The following ETV6 variants were observed in gnomAD, a reference collection of about 807,000 sequenced individuals.
The protein encoded by ETV6 is ETS variant transcription factor 6.
Under a neutral mutation model 51.1 loss-of-function variants are expected in ETV6, and 16 were observed. The observed-to-expected ratio is 0.31, with a 90% CI of 0.21 to 0.48. The LOEUF (loss-of-function observed/expected upper bound fraction) is 0.48. ETV6 is among the 20% of genes least tolerant of loss of function. The probability of loss-of-function intolerance (pLI) is 0.99; values close to 1 mark genes in which losing one functional copy is unlikely to be tolerated. For missense variants in ETV6, 458 were observed against 594.8 expected, an observed-to-expected ratio of 0.77 and a Z score of 2.39; for synonymous variants, 240 against 224.1, an observed-to-expected ratio of 1.07 and a Z score of -0.64.
chr12:11,894,381 T>G lies in ETV6; in HGVS notation c.*3335T>G, dbSNP rs543309925. 8.6e-6 allele frequency: 2 copies of G among 232,840 alleles called. No homozygotes were observed. The highest frequency in any genetic ancestry group is 4.4e-5 in the African/African-American group (2 of 45,400). 14.4% of individuals were successfully genotyped at this position (232,840 alleles called of 1,614,324 possible). A position where few individuals can be genotyped will look rare whatever the true frequency, so the allele number is the denominator to read the frequency against. On this transcript the variant is annotated 3_prime_UTR_variant, in exon 8 of 8. Coordinates refer to ENST00000396373, the MANE Select transcript of ETV6 (RefSeq NM_001987.5). The stretch of plus-strand genomic sequence containing the variant: ...TCTATCAGAAGAAAGCACTGGTAAT[T>G]GGCTAGACTGGCTATGTTGAAGGTA...
intron 4 of ETV6, among the ~76,000 whole-genome samples, chr12:11,858,099 G>A (rs1016076973): frequency 1.3e-5 from 2 of 152,110 alleles, no homozygotes; most frequent in East Asian, 1.9e-4. Flanking sequence ...CAAGAGTAGC[G>A]TCATTCACTT....
intron 1 of ETV6, among the ~76,000 whole-genome samples, chr12:11,746,957 A>G (rs1865920831): frequency 6.6e-6 from 1 of 152,156 alleles, no homozygotes; most frequent in African/African-American, 2.4e-5. Context: ...GAAAGGGACA[A>G]TTTCAGTTCT....
intron 4 of ETV6, among the ~76,000 whole-genome samples, chr12:11,861,762 C>T (rs1419970773): frequency 6.6e-6 from 1 of 152,166 alleles, no homozygotes; most frequent in Non-Finnish European, 1.5e-5. Context: ...GTTAAGGGGT[C>T]ATCTTGCTCT....
At chr12:11,872,409 C>T (rs746612162) in intron 5 of ETV6, among the ~76,000 whole-genome samples, 2 of 152,102 alleles carry the variant, frequency 1.3e-5, no homozygotes, top group Non-Finnish European at 2.9e-5. Flanking sequence ...TCAAGAAAGA[C>T]ACATGGTTTA....
chr12:11,698,222 C>G (rs915750818), intron 1 of ETV6, among the ~76,000 whole-genome samples: 1 of 152,172 alleles, frequency 6.6e-6, no homozygotes. Flanking sequence ...GTATTTTGTA[C>G]CATGTGGGTC....
intron 1 of ETV6, among the ~76,000 whole-genome samples, chr12:11,684,071 C>T (rs1381227723): frequency 6.6e-6 from 1 of 152,176 alleles, no homozygotes; most frequent in African/African-American, 2.4e-5. Context: ...CTGACTTCGA[C>T]AACTGAGAAA....
Position 11,893,794 on chromosome 12 carries a change from TTATATATATATATATATATATA to T in ETV6, c.*2775_*2796del, listed in dbSNP as rs57308697. 3.7e-3 allele frequency: 292 copies of T among 79,490 alleles called. 7 individuals carry two copies. Among genetic ancestry groups the T allele is most frequent in the African/African-American group, 0.015 (263 of 17,182 alleles). The allele number at this position is 79,490 out of a possible 1,614,324, so 4.9% of individuals were successfully genotyped here. A position where few individuals can be genotyped will look rare whatever the true frequency, so the allele number is the denominator to read the frequency against. On this transcript the variant is annotated 3_prime_UTR_variant, in exon 8 of 8. Transcript: ENST00000396373. ...GTGTCCATCCCCAAGATCTCTCATT[TTATATATATATATATATATATA>T]TATATATATATATATATATATATAT...
intron 1 of ETV6, among the ~76,000 whole-genome samples, chr12:11,665,796 C>T (rs566820202): frequency 3.4e-4 from 52 of 152,308 alleles, no homozygotes; most frequent in African/African-American, 1.2e-3. Flanking sequence ...ACCTCCCATA[C>T]CTAAGGGGCT....
chr12:11,820,133 G>A (rs906211449), intron 2 of ETV6, among the ~76,000 whole-genome samples: 1 of 152,198 alleles, frequency 6.6e-6, no homozygotes, highest in African/African-American at 2.4e-5. Context: ...TTACAGTGGA[G>A]GAAATCGAGG....
chr12:11,731,414 T>C (rs748524197), intron 1 of ETV6, among the ~76,000 whole-genome samples: 29 of 152,244 alleles, frequency 1.9e-4, no homozygotes, highest in Non-Finnish European at 3.8e-4. Context: ...AGGATGCTTA[T>C]GGAGAAAAGT....
At chr12:11,776,112 G>A (rs1211941741) in intron 2 of ETV6, among the ~76,000 whole-genome samples, 1 of 152,190 alleles carries the variant, frequency 6.6e-6, no homozygotes, top group Non-Finnish European at 1.5e-5. Context: ...GGAGCTCACG[G>A]TTATGTGGAA....
intron 2 of ETV6, among the ~76,000 whole-genome samples, chr12:11,781,807 C>G (rs1426823239): frequency 6.6e-6 from 1 of 152,126 alleles, no homozygotes; most frequent in Non-Finnish European, 1.5e-5. Context: ...CTCTTTCCTA[C>G]TTTATGGCTT....
intron 1 of ETV6, among the ~76,000 whole-genome samples, chr12:11,734,708 A>C (rs1428171476): frequency 6.6e-6 from 1 of 152,164 alleles, no homozygotes; most frequent in Non-Finnish European, 1.5e-5. Flanking sequence ...AATCTTATGC[A>C]GTAGGGCCGG....
chr12:11,728,698 A>G (rs1865537650), intron 1 of ETV6, among the ~76,000 whole-genome samples: 1 of 152,228 alleles, frequency 6.6e-6, no homozygotes, highest in African/African-American at 2.4e-5. Context: ...ACTTGAGGAA[A>G]TCTACCTAGA....
intron 5 of ETV6, among the ~76,000 whole-genome samples, chr12:11,873,856 G>T (rs1459855549): frequency 8.9e-6 from 1 of 111,792 alleles, no homozygotes; most frequent in Non-Finnish European, 1.8e-5. Flanking sequence ...AAGTACCACA[G>T]GAGGTCAGAG....
chr12:11,727,750 C>T (rs1016445940), intron 1 of ETV6, among the ~76,000 whole-genome samples: 5 of 152,232 alleles, frequency 3.3e-5, no homozygotes, highest in African/African-American at 1.2e-4. Flanking sequence ...GGTGTGAGCC[C>T]CTCTGGTGGC....
rs1947343371 is a variant in ETV6 at position 11,893,829 on chromosome 12, TATATATATATATACACACAC to T, written c.*2785_*2804del. The stretch of plus-strand genomic sequence containing the variant: ...ATATATATATATATATATATATATA[TATATATATATATACACACAC>T]ACACACATACACAAATATTCCAGGA... On this transcript the variant is annotated 3_prime_UTR_variant, in exon 8 of 8. Transcript: ENST00000396373. The T allele has an allele frequency of 2.7e-5, 2 of 74,378 alleles. No individual in the cohort carries two copies. The highest frequency in any genetic ancestry group is 1.4e-4 in the African/African-American group (2 of 14,128). The allele number at this position is 74,378 out of a possible 1,614,324, so 4.6% of individuals were successfully genotyped here.
intron 2 of ETV6, among the ~76,000 whole-genome samples, chr12:11,772,932 T>C (rs2723826): frequency 2.9e-4 from 44 of 152,278 alleles, no homozygotes; most frequent in Non-Finnish European, 5.9e-4. Context: ...CAGTGGCTCA[T>C]GCCTGTAATC....
intron 5 of ETV6, among the ~76,000 whole-genome samples, chr12:11,877,852 C>T (rs964015907): frequency 2.0e-5 from 3 of 152,148 alleles, no homozygotes; most frequent in African/African-American, 7.2e-5. Flanking sequence ...GTTAATGAGA[C>T]AACATGTGAA....
Sources: gnomAD v4.1 joint callset for allele counts (sites outside exome capture counted in the v4.1 genomes callset) on GRCh38, gnomAD v4.1.1 for gene constraint, MANE v1.5 for transcripts, NCBI Gene and HGNC (gene_info 2026-07-23, HGNC 2026-07-21) for gene names.